Variants in PBX1 observed in about 807,000 individuals in gnomAD.
PBX1 encodes pre-B-cell leukemia transcription factor 1.
PBX1 carries 6 observed loss-of-function variants against 53.4 expected under a neutral mutation model. That is an observed-to-expected ratio of 0.11 (90% CI 0.06 to 0.22). PBX1 has a LOEUF of 0.22. PBX1 is among the 10% of genes least tolerant of loss of function. PBX1 has a pLI of 1.00. For synonymous variants in PBX1, 204 were observed against 212.3 expected (o/e 0.96, Z 0.34); for missense variants, 251 against 551.4 (o/e 0.46, Z 5.46).
chr1:164,621,276 C>T (rs1385446370), intron 2 of PBX1, among the ~76,000 whole-genome samples: 2 of 152,176 alleles, frequency 1.3e-5, no homozygotes, highest in African/African-American at 2.4e-5. Flanking sequence ...CATGAGCCAC[C>T]GCGCCCTTCC....
At chr1:164,760,974 A>T (rs1020905849) in intron 2 of PBX1, among the ~76,000 whole-genome samples, 1 of 152,080 alleles carries the variant, frequency 6.6e-6, no homozygotes, top group Non-Finnish European at 1.5e-5. Context: ...CTTTCCTCTC[A>T]CTTGGAATAA....
At chr1:164,785,447 T>C (rs1009688364) in intron 2 of PBX1, among the ~76,000 whole-genome samples, 2 of 152,188 alleles carry the variant, frequency 1.3e-5, no homozygotes, top group African/African-American at 4.8e-5. Context: ...TTGAGGAGGT[T>C]CCGGGCTGTG....
At position 164,849,130 on chromosome 1, in the gene PBX1, G is replaced by C; in HGVS notation, c.*2454G>C. On this transcript the variant is annotated 3_prime_UTR_variant, in exon 9 of 9. Coordinates refer to ENST00000420696, the MANE Select transcript of PBX1 (RefSeq NM_002585.4). Reference sequence around the variant, plus strand: ...TCACATTTGCTTGACTTAGGGCAAAGTACGAAAGAGAGACAAAAGGGTTCT... The same window carrying C: ...TCACATTTGCTTGACTTAGGGCAAACTACGAAAGAGAGACAAAAGGGTTCT... 1 of 1,378,696 alleles carries C rather than the reference G, an allele frequency of 7.3e-7. No individual in the cohort carries two copies. Among genetic ancestry groups the C allele is most frequent in the African/African-American group, 1.5e-5 (1 of 68,862 alleles). 85.4% of individuals were successfully genotyped at this position (1,378,696 alleles called of 1,614,324 possible).
chr1:164,776,556 C>T (rs962406077), intron 2 of PBX1, among the ~76,000 whole-genome samples: 1 of 152,190 alleles, frequency 6.6e-6, no homozygotes, highest in Non-Finnish European at 1.5e-5. Flanking sequence ...AAAGTGTTCT[C>T]TTCCCTTTGC....
intron 2 of PBX1, among the ~76,000 whole-genome samples, chr1:164,860,841 C>G (rs1463544296): frequency 2.0e-5 from 3 of 151,928 alleles, no homozygotes; most frequent in Non-Finnish European, 4.4e-5. Context: ...ACACTTAGTA[C>G]TTGCTCAGAC....
intron 2 of PBX1, among the ~76,000 whole-genome samples, chr1:164,590,098 A>G (rs1655257870): frequency 6.6e-6 from 1 of 151,920 alleles, no homozygotes. Context: ...CTCTAGTCCC[A>G]GCTACTCGGG....
intron 2 of PBX1, among the ~76,000 whole-genome samples, chr1:164,764,957 A>G (rs1183382654): frequency 6.6e-6 from 1 of 152,146 alleles, no homozygotes; most frequent in Admixed American, 6.6e-5. Context: ...TGTCTTTATT[A>G]TAATTCTCCT....
chr1:164,561,135 T>C (rs1415857892), intron 1 of PBX1, among the ~76,000 whole-genome samples: 2 of 152,196 alleles, frequency 1.3e-5, no homozygotes, highest in Non-Finnish European at 2.9e-5. Context: ...CCCAGCTTTG[T>C]TATATCTCCG....
intron 2 of PBX1, among the ~76,000 whole-genome samples, chr1:164,712,177 TAAA>T (rs35903765): frequency 3.1e-5 from 4 of 129,020 alleles, no homozygotes; most frequent in Non-Finnish European, 3.2e-5. Context: ...AAGAAGAGAT[TAAA>T]AAAAAAAAAA....
At chr1:164,684,650 C>T (rs554207640) in intron 2 of PBX1, 18 of 152,272 alleles carry the variant, frequency 1.2e-4, no homozygotes, top group Non-Finnish European at 2.1e-4. Context: ...AAGTTACTTC[C>T]TGAGGATAAT....
intron 2 of PBX1, among the ~76,000 whole-genome samples, chr1:164,662,324 TCAAA>T (rs771352241): frequency 2.0e-5 from 3 of 152,316 alleles, no homozygotes; most frequent in East Asian, 3.9e-4. Flanking sequence ...AGACTCTGTC[TCAAA>T]CAAACAAACA....
intron 5 of PBX1, among the ~76,000 whole-genome samples, chr1:164,808,417 A>G (rs1669454107): frequency 6.6e-6 from 1 of 152,234 alleles, no homozygotes; most frequent in Non-Finnish European, 1.5e-5. Context: ...TCTGAACCTC[A>G]AATACCACCA....
intron 2 of PBX1, among the ~76,000 whole-genome samples, chr1:164,691,592 AG>A (rs1662493656): frequency 6.6e-6 from 1 of 152,136 alleles, no homozygotes. Context: ...AGCGTCTTCT[AG>A]GCTAGGGGCT....
intron 2 of PBX1, among the ~76,000 whole-genome samples, chr1:164,691,312 C>T (rs1228911992): frequency 1.3e-5 from 2 of 152,080 alleles, no homozygotes; most frequent in Non-Finnish European, 2.9e-5. Flanking sequence ...CTGTGCCCGG[C>T]GAGAGTTGTT....
chr1:164,877,709 A>G (rs1672550561), intron 2 of PBX1, among the ~76,000 whole-genome samples: 1 of 152,210 alleles, frequency 6.6e-6, no homozygotes, highest in African/African-American at 2.4e-5. Context: ...TAAACATATT[A>G]TGCTCAACTT....
chr1:164,807,075 G>C (rs957957228), intron 4 of PBX1, among the ~76,000 whole-genome samples: 8 of 152,154 alleles, frequency 5.3e-5, no homozygotes, highest in Non-Finnish European at 1.0e-4. Context: ...TGGCCAATAT[G>C]ATGAAACCCC....
chr1:164,589,701 C>A (rs1186503435), intron 2 of PBX1, among the ~76,000 whole-genome samples: 2 of 152,222 alleles, frequency 1.3e-5, no homozygotes, highest in African/African-American at 4.8e-5. Context: ...GAGATATTAT[C>A]CACCTGTCAC....
At chr1:164,682,450 A>G (rs1201343319) in intron 2 of PBX1, 1 of 152,190 alleles carries the variant, frequency 6.6e-6, no homozygotes, top group Admixed American at 6.5e-5. Context: ...TGTTCTTGGA[A>G]TACATCAGTA....
At chr1:164,601,429 T>TC (rs1253764260) in intron 2 of PBX1, among the ~76,000 whole-genome samples, 3 of 152,106 alleles carry the variant, frequency 2.0e-5, no homozygotes, top group Non-Finnish European at 4.4e-5. Flanking sequence ...AGAAGGGTTT[T>TC]CCCAGGAAGC....
Sources: gnomAD v4.1 joint callset for allele counts (sites outside exome capture counted in the v4.1 genomes callset) on GRCh38, gnomAD v4.1.1 for gene constraint, MANE v1.5 for transcripts, NCBI Gene and HGNC (gene_info 2026-07-23, HGNC 2026-07-21) for gene names.